The following ABHD5 variants were observed in gnomAD, a reference collection of about 807,000 sequenced individuals.
ABHD5 encodes abhydrolase domain containing 5, lysophosphatidic acid acyltransferase.
Under a neutral mutation model 44.9 loss-of-function variants are expected in ABHD5, and 30 were observed. The ratio of observed to expected loss-of-function variants is 0.67; its 90% CI spans 0.50 to 0.91. The LOEUF (loss-of-function observed/expected upper bound fraction) is 0.91. ABHD5 is among the 40% of genes least tolerant of loss of function. The probability of loss-of-function intolerance (pLI) is 0.00; values close to 1 mark genes in which losing one functional copy is unlikely to be tolerated. For synonymous variants in ABHD5, 167 were observed against 147.0 expected, an observed-to-expected ratio of 1.14 and a Z score of -0.99; for missense variants, 399 against 423.4, an observed-to-expected ratio of 0.94 and a Z score of 0.50.
rs190635851 is a variant in ABHD5, at chr3:43,703,008, A to G, written c.506+421A>G. On this transcript the variant is annotated intron_variant, in intron 3 of 6. Transcript: ENST00000644371. ...AGTGCTAGCTCTATGACTTAGAGCA[A>G]ATCACTTAACCTCTAACCTTTAGTT... is the stretch of plus-strand genomic sequence containing the variant. Among the ~76,000 whole-genome samples the G allele has an allele frequency of 1.5e-3, 226 of 152,282 alleles. 2 individuals are homozygous for G. The highest frequency in any genetic ancestry group is 5.2e-3 in the African/African-American group (217 of 41,550).
downstream of ABHD5, among the ~76,000 whole-genome samples, chr3:43,725,154 T>C (rs2084869184): frequency 6.6e-6 from 1 of 152,146 alleles, no homozygotes. Context: ...TCTCCCTAAC[T>C]AAGAAACACA....
At chr3:43,732,471 A>G (rs1697257223) in intron 7 of ABHD5, among the ~76,000 whole-genome samples, 1 of 152,154 alleles carries the variant, frequency 6.6e-6, no homozygotes, top group Non-Finnish European at 1.5e-5. Context: ...GGAGATGTGT[A>G]CTTAAAAATC....
rs555017968 is a variant in ABHD5, at chr3:43,720,935, AGGTT to A, written c.*2408_*2411del. 9.9e-5 allele frequency: 15 copies of A among 151,924 alleles called. No individual in the cohort carries two copies. Among genetic ancestry groups the A allele is most frequent in the Non-Finnish European group, 1.6e-4 (11 of 67,992 alleles). 9.4% of individuals were successfully genotyped at this position (151,924 alleles called of 1,614,324 possible). A position where few individuals can be genotyped will look rare whatever the true frequency, so the allele number is the denominator to read the frequency against. On this transcript the variant is annotated 3_prime_UTR_variant, in exon 7 of 7. Transcript: ENST00000644371. ...TCCAAAAAAAAAAAAGCCTTGCCTA[AGGTT>A]GGTTTTAGAATATGATTTGCAGAAC...
At chr3:43,695,409 A>G (rs2084461768) in intron 1 of ABHD5, among the ~76,000 whole-genome samples, 1 of 152,238 alleles carries the variant, frequency 6.6e-6, no homozygotes, top group Non-Finnish European at 1.5e-5. Context: ...AGCTGTGCTT[A>G]GGTTTATCAA....
At chr3:43,708,071 G>A (rs370788549) in intron 3 of ABHD5, among the ~76,000 whole-genome samples, 3 of 152,190 alleles carry the variant, frequency 2.0e-5, no homozygotes, top group East Asian at 3.8e-4. Context: ...CCACTGCTTT[G>A]CCCTTAAGGA....
At chr3:43,697,894 A>G (rs1179561684) in intron 1 of ABHD5, among the ~76,000 whole-genome samples, 1 of 152,186 alleles carries the variant, frequency 6.6e-6, no homozygotes, top group Non-Finnish European at 1.5e-5. Flanking sequence ...ATACCCTTGG[A>G]CTTGGTGCTT....
intron 5 of ABHD5, among the ~76,000 whole-genome samples, chr3:43,716,070 T>C (rs1391531145): frequency 6.6e-6 from 1 of 152,160 alleles, no homozygotes; most frequent in Non-Finnish European, 1.5e-5. Flanking sequence ...GCCAAATGTA[T>C]GTTTTAAAAA....
At chr3:43,692,212 A>G (rs191739600) in intron 1 of ABHD5, among the ~76,000 whole-genome samples, 2 of 152,356 alleles carry the variant, frequency 1.3e-5, no homozygotes, top group African/African-American at 2.4e-5. Flanking sequence ...GATATTTGGA[A>G]AGATGTCATG....
intron 7 of ABHD5, among the ~76,000 whole-genome samples, chr3:43,728,589 A>G (rs2084893310): frequency 6.6e-6 from 1 of 152,196 alleles, no homozygotes; most frequent in Non-Finnish European, 1.5e-5. Flanking sequence ...TTTACTACCC[A>G]GAGACTGATG....
rs1052128417 is a variant in ABHD5, at chr3:43,711,569, C to T, written c.507-140C>T. On this transcript the variant is annotated intron_variant, in intron 3 of 6. Transcript: ENST00000644371. ...GTTTACACAGAATAAGAGCATGATACGATCTATTTAGCACTAATCTTTAAC... is the reference window on the plus strand; with the variant it reads ...GTTTACACAGAATAAGAGCATGATATGATCTATTTAGCACTAATCTTTAAC... 5.4e-5 allele frequency: 48 copies of T among 887,972 alleles called. No individual in the cohort carries two copies. In the Middle Eastern group the frequency reaches 9.2e-4, roughly 17 times the overall value. The allele number at this position is 887,972 out of a possible 1,614,324, so 55.0% of individuals were successfully genotyped here.
Position 43,717,723 on chromosome 3 carries a change from C to T in ABHD5, c.826C>T (p.Pro276Ser), listed in dbSNP as rs1180140883. 6.2e-7 allele frequency: 1 copy of T among 1,614,190 alleles called. No homozygotes were observed. The highest frequency in any genetic ancestry group is 8.5e-7 in the Non-Finnish European group (1 of 1,180,030). Residue 276 changes from proline (P) to serine (S), a missense_variant, in exon 6 of 7, where the codon CCA (proline) becomes TCA (serine). By Grantham distance (74) the Pro-to-Ser change is moderately conservative. Coordinates refer to ENST00000644371, the MANE Select transcript of ABHD5 (RefSeq NM_016006.6). ...MTIPYGWAKR[P>S]MLQRIGKMHP... ...TATTCCTTATGGATGGGCAAAAAGG[C>T]CAATGCTCCAGCGAATTGGTAAAAT...
At chr3:43,693,234 A>G (rs1437458188) in intron 1 of ABHD5, among the ~76,000 whole-genome samples, 1 of 152,262 alleles carries the variant, frequency 6.6e-6, no homozygotes, top group Non-Finnish European at 1.5e-5. Flanking sequence ...GATTTGTACC[A>G]GCAAGCCATT....
At position 43,720,484 on chromosome 3, in the gene ABHD5, ATGT is replaced by A. The variant is rs1457137931; in HGVS notation, c.*1956_*1958del. ...AGACTGAATTTGCTTTATTTGAAAG[ATGT>A]TGTAACTCTTTTTAAAGTTAGATTT... On this transcript the variant is annotated 3_prime_UTR_variant, in exon 7 of 7. Coordinates refer to ENST00000644371, the MANE Select transcript of ABHD5 (RefSeq NM_016006.6). 1 of 152,202 alleles carries A rather than the reference ATGT, an allele frequency of 6.6e-6. No individual in the cohort carries two copies. The highest frequency in any genetic ancestry group is 1.5e-5 in the Non-Finnish European group (1 of 68,046). The allele number at this position is 152,202 out of a possible 1,614,324, so 9.4% of individuals were successfully genotyped here. A position where few individuals can be genotyped will look rare whatever the true frequency, so the allele number is the denominator to read the frequency against.
chr3:43,731,935 G>A (rs907237220), intron 7 of ABHD5, among the ~76,000 whole-genome samples: 6 of 152,052 alleles, frequency 3.9e-5, no homozygotes, highest in African/African-American at 9.7e-5. Context: ...TGAATGCAGC[G>A]CCCCATGCAG....
intron 3 of ABHD5, among the ~76,000 whole-genome samples, chr3:43,704,033 C>CT (rs10544525): frequency 0.018 from 1,502 of 84,810 alleles, 47 homozygotes; most frequent in South Asian, 0.024. Flanking sequence ...TCTTTATTTT[C>CT]TTTTTTTTTT....
chr3:43,693,691 G>C (rs2084431957), intron 1 of ABHD5, among the ~76,000 whole-genome samples: 1 of 149,762 alleles, frequency 6.7e-6, no homozygotes, highest in South Asian at 2.1e-4. Flanking sequence ...AGGTCTTAAT[G>C]ACATTTTGCC....
chr3:43,722,065 G>T lies in ABHD5; in HGVS notation c.*3533G>T, dbSNP rs1276653291. On this transcript the variant is annotated 3_prime_UTR_variant, in exon 7 of 7. Transcript: ENST00000644371. Reference sequence around the variant, plus strand: ...TTAAATGAGTATATCCTTCAACCTGGCAGACCCAGTTCTAAGAATCCATAT... The same window carrying T: ...TTAAATGAGTATATCCTTCAACCTGTCAGACCCAGTTCTAAGAATCCATAT... The T allele has an allele frequency of 6.6e-6, 1 of 152,100 alleles. No homozygotes were observed. Among genetic ancestry groups the T allele is most frequent in the African/African-American group, 2.4e-5 (1 of 41,418 alleles). The allele number at this position is 152,100 out of a possible 1,614,324, so 9.4% of individuals were successfully genotyped here.
rs1052624004 is a variant in ABHD5 at position 43,720,128 on chromosome 3, A to T, written c.*1596A>T. The stretch of plus-strand genomic sequence containing the variant: ...TGCAGGAAGCAACATGAGCGCCAAG[A>T]TGTGTTGTCTGATTTCTCTACCTTA... On this transcript the variant is annotated 3_prime_UTR_variant, in exon 7 of 7. Coordinates refer to ENST00000644371, the MANE Select transcript of ABHD5 (RefSeq NM_016006.6). 6.6e-6 allele frequency: 1 copy of T among 152,218 alleles called. No individual in the cohort carries two copies. The highest frequency in any genetic ancestry group is 1.5e-5 in the Non-Finnish European group (1 of 68,038). 9.4% of individuals were successfully genotyped at this position (152,218 alleles called of 1,614,324 possible).
Position 43,691,273 on chromosome 3 carries a change from G to C in ABHD5, c.47+234G>C, listed in dbSNP as rs531911118. ...CCCCGAGGTGTCTGAGCCGGACTCC[G>C]GCCGCGCCGGGAGGCCGCCTTGACC... On this transcript the variant is annotated intron_variant, in intron 1 of 6. Coordinates refer to ENST00000644371, the MANE Select transcript of ABHD5 (RefSeq NM_016006.6). The C allele has an allele frequency of 3.5e-4, 132 of 375,618 alleles. 1 individual carries two copies. Among genetic ancestry groups the C allele is most frequent in the African/African-American group, 2.5e-3 (120 of 47,652 alleles). The allele number at this position is 375,618 out of a possible 1,614,324, so 23.3% of individuals were successfully genotyped here.
Sources: allele counts gnomAD v4.1 joint callset (sites outside exome capture counted in the v4.1 genomes callset), GRCh38; gene constraint gnomAD v4.1.1; transcripts MANE v1.5; gene names NCBI Gene and HGNC (gene_info 2026-07-23, HGNC 2026-07-21).